Variants in DLGAP4 observed in about 807,000 individuals in gnomAD.
The protein encoded by DLGAP4 is disks large-associated protein 4.
A neutral mutation model predicts 86.9 loss-of-function variants in DLGAP4; 18 were observed. The observed-to-expected ratio is 0.21, with a 90% CI of 0.14 to 0.31. The LOEUF is 0.31. Ranked by LOEUF, DLGAP4 falls within the 10% of genes least tolerant of loss-of-function variation. The pLI, the probability that DLGAP4 is intolerant of heterozygous loss-of-function variation, is 1.00. For missense variants in DLGAP4, 1,085 were observed against 1,362.6 expected (o/e 0.80, Z 3.21); for synonymous variants, 548 against 574.3 (o/e 0.95, Z 0.65).
At chr20:36,480,809 C>T (rs1164455601) in intron 7 of DLGAP4, among the ~76,000 whole-genome samples, 1 of 152,122 alleles carries the variant, frequency 6.6e-6, no homozygotes, top group Non-Finnish European at 1.5e-5. Context: ...AGTTCTAGTA[C>T]AGCATGGGCA....
intron 7 of DLGAP4, among the ~76,000 whole-genome samples, chr20:36,480,572 G>A (rs1193975104): frequency 4.6e-5 from 7 of 152,020 alleles, no homozygotes; most frequent in Admixed American, 2.0e-4. Context: ...TTAGTCAGGA[G>A]CAGTGGTACA....
chr20:36,375,085 TCAGAGAGGCCAAG>T (rs2031100128), intron 2 of DLGAP4, among the ~76,000 whole-genome samples: 1 of 152,196 alleles, frequency 6.6e-6, no homozygotes, highest in Admixed American at 6.5e-5. Flanking sequence ...AAACTGAGGC[TCAGAGAGGCCAAG>T]CCGCCTATGT....
intron 10 of DLGAP4, chr20:36,508,848 T>TTA: frequency 6.6e-6 from 1 of 152,354 alleles, no homozygotes; most frequent in Non-Finnish European, 1.5e-5. Context: ...AAACACATAT[T>TTA]TTAATAAATG....
intron 10 of DLGAP4, among the ~76,000 whole-genome samples, chr20:36,502,213 G>A (rs768544861): frequency 6.6e-6 from 1 of 152,168 alleles, no homozygotes; most frequent in Non-Finnish European, 1.5e-5. Flanking sequence ...TGTTTACTAT[G>A]AGTATGTAAA....
At chr20:36,331,917 G>A (rs535018023) in intron 1 of DLGAP4, among the ~76,000 whole-genome samples, 3 of 152,080 alleles carry the variant, frequency 2.0e-5, no homozygotes, top group Non-Finnish European at 2.9e-5. Flanking sequence ...TTCCAGGCAG[G>A]GAACAAACTG....
chr20:36,466,638 C>G (rs1449606720), intron 7 of DLGAP4, among the ~76,000 whole-genome samples: 1 of 152,210 alleles, frequency 6.6e-6, no homozygotes, highest in Non-Finnish European at 1.5e-5. Context: ...CAGACAGACC[C>G]ACCCATTCTT....
chr20:36,403,640 G>C (rs975991121), intron 2 of DLGAP4, among the ~76,000 whole-genome samples: 1 of 152,202 alleles, frequency 6.6e-6, no homozygotes, highest in African/African-American at 2.4e-5. Context: ...GTTTCCAGAG[G>C]AAATTTGTAT....
chr20:36,455,060 G>A (rs2033844225), intron 7 of DLGAP4, among the ~76,000 whole-genome samples: 2 of 152,128 alleles, frequency 1.3e-5, no homozygotes, highest in African/African-American at 4.8e-5. Flanking sequence ...GGGCTTGGGG[G>A]TGCCATCACT....
chr20:36,457,845 C>T (rs912545999), intron 7 of DLGAP4, among the ~76,000 whole-genome samples: 2 of 151,730 alleles, frequency 1.3e-5, no homozygotes, highest in Non-Finnish European at 2.9e-5. Context: ...ACCATGTTGG[C>T]CAGGCTGGTC....
At chr20:36,326,606 T>A (rs1026552305) in intron 1 of DLGAP4, among the ~76,000 whole-genome samples, 1 of 152,204 alleles carries the variant, frequency 6.6e-6, no homozygotes, top group African/African-American at 2.4e-5. Flanking sequence ...TTTAGAGATA[T>A]TTAAATAATA....
chr20:36,349,897 C>T (rs782086269), intron 1 of DLGAP4, among the ~76,000 whole-genome samples: 7 of 152,168 alleles, frequency 4.6e-5, no homozygotes, highest in African/African-American at 7.2e-5. Context: ...AGCATCGCCG[C>T]GTCCCAGGGG....
At chr20:36,524,156 C>T in intron 10 of DLGAP4, 94 bp from the exon 11 acceptor site, 1 of 947,092 alleles carries the variant, frequency 1.1e-6, no homozygotes, top group African/African-American at 1.6e-5. Context: ...GAGTTCTACC[C>T]TAAGGGAGTG....
chr20:36,457,874 G>A (rs1191747300), intron 7 of DLGAP4, among the ~76,000 whole-genome samples: 4 of 149,428 alleles, frequency 2.7e-5, no homozygotes, highest in Admixed American at 6.7e-5. Context: ...CTGACCTCAA[G>A]CTATCCACCC....
rs562370728 is a variant in DLGAP4 at position 36,480,419 on chromosome 20, G to A, written c.1649-16286G>A. Among the ~76,000 whole-genome samples the A allele has an allele frequency of 2.6e-5, 4 of 152,246 alleles. No individual in the cohort carries two copies. The South Asian group carries it at 6.2e-4, about 24-fold the overall frequency. ...TGATAACAATTCTCCGGAGGTAGGGGGGTAAAAAAGACCAGTGGCTCACGC... is the reference window on the plus strand; with the variant it reads ...TGATAACAATTCTCCGGAGGTAGGGAGGTAAAAAAGACCAGTGGCTCACGC... On this transcript the variant is annotated intron_variant, in intron 7 of 12. Transcript: ENST00000339266.
At chr20:36,391,392 TA>T (rs1188172701) in intron 2 of DLGAP4, among the ~76,000 whole-genome samples, 3 of 152,184 alleles carry the variant, frequency 2.0e-5, no homozygotes, top group Non-Finnish European at 4.4e-5. Flanking sequence ...TCCTTCATGA[TA>T]AAGCCAGCCC....
At chr20:36,511,376 GA>G (rs1466029874) in intron 10 of DLGAP4, among the ~76,000 whole-genome samples, 1 of 151,866 alleles carries the variant, frequency 6.6e-6, no homozygotes, top group Non-Finnish European at 1.5e-5. Context: ...CTAACTTTGA[GA>G]TTTTTTTGTA....
chr20:36,479,444 A>T (rs1233607819), intron 7 of DLGAP4, among the ~76,000 whole-genome samples: 3 of 152,136 alleles, frequency 2.0e-5, no homozygotes, highest in African/African-American at 7.2e-5. Context: ...TAAAGGAGGA[A>T]GCAGAAAAGT....
intron 1 of DLGAP4, among the ~76,000 whole-genome samples, chr20:36,316,181 C>T (rs947361176): frequency 0.018 from 2,753 of 152,286 alleles, 38 homozygotes; most frequent in Non-Finnish European, 0.029. Flanking sequence ...ACCATCCCCG[C>T]CTCCTACCTG....
At position 36,350,310 on chromosome 20, in the gene DLGAP4, G is replaced by A. The variant is rs1555893371; in HGVS notation, c.-303-16735G>A. ...AGCGGATGAGTAGCCCAGCAGCTGT[G>A]GGAGGCGGGAGCAAGTGCCTGGGTG... is the stretch of plus-strand genomic sequence containing the variant. On this transcript the variant is annotated intron_variant, in intron 1 of 12. Coordinates refer to ENST00000339266, the MANE Select transcript of DLGAP4 (RefSeq NM_001365621.2). This position sits in a 1 kb window ranked among gnomAD's most constrained non-coding sequence, Gnocchi z 4.4. Among the ~76,000 whole-genome samples, 1 of 152,194 alleles carries A rather than the reference G, an allele frequency of 6.6e-6. No homozygotes were observed. Among genetic ancestry groups the A allele is most frequent in the African/African-American group, 2.4e-5 (1 of 41,448 alleles).
Sources: allele counts gnomAD v4.1 joint callset (sites outside exome capture counted in the v4.1 genomes callset), GRCh38; gene constraint gnomAD v4.1.1; non-coding constraint Gnocchi (gnomAD v3.1); transcripts MANE v1.5; gene names NCBI Gene and HGNC (gene_info 2026-07-23, HGNC 2026-07-21).